UBE3B: variants seen among roughly 807,000 people sequenced by gnomAD.
UBE3B encodes ubiquitin protein ligase E3B.
Under a neutral mutation model 132.3 loss-of-function variants are expected in UBE3B, and 80 were observed. The ratio of observed to expected loss-of-function variants is 0.60; its 90% CI spans 0.50 to 0.73. The LOEUF (loss-of-function observed/expected upper bound fraction) is 0.73, where lower values mean the gene tolerates loss of function less well. UBE3B is among the 30% of genes least tolerant of loss of function. UBE3B has a pLI of 0.00. For missense variants in UBE3B, 1,196 were observed against 1,362.5 expected, an observed-to-expected ratio of 0.88 and a Z score of 1.92; for synonymous variants, 487 against 520.4, an observed-to-expected ratio of 0.94 and a Z score of 0.87.
At chr12:109,516,151 C>CTT (rs1881009481) in intron 18 of UBE3B, among the ~76,000 whole-genome samples, 2 of 131,018 alleles carry the variant, frequency 1.5e-5, no homozygotes, top group African/African-American at 5.6e-5. Flanking sequence ...GGAGGATTTT[C>CTT]TTTTTTCTTT....
In UBE3B at chr12:109,478,047, T is replaced by G. The variant is rs1874613972; in HGVS notation, c.-190T>G. ...GTGGTTGTTGATGCCGAGGAAAGAC[T>G]CTGGGCCCCAGGACTCACCTAAACT... On this transcript the variant is annotated 5_prime_UTR_variant, in exon 1 of 28. Coordinates refer to ENST00000342494, the MANE Select transcript of UBE3B (RefSeq NM_130466.4). 1 of 152,574 alleles carries G rather than the reference T, an allele frequency of 6.6e-6. No homozygotes were observed. The highest frequency in any genetic ancestry group is 2.4e-5 in the African/African-American group (1 of 41,458). The allele number at this position is 152,574 out of a possible 1,614,324, so 9.5% of individuals were successfully genotyped here.
intron 19 of UBE3B, chr12:109,517,878 C>T (rs529405856): frequency 3.4e-5 from 14 of 407,382 alleles, no homozygotes; most frequent in East Asian, 2.3e-4. Context: ...TTTTCTCCCT[C>T]GGTGCATCGT....
chr12:109,491,254 TGTTCTTAATGAAA>T (rs1877428687), intron 9 of UBE3B, 127 bp downstream of exon 9: 1 of 794,682 alleles, frequency 1.3e-6, no homozygotes, highest in South Asian at 2.3e-5. Context: ...TGGGAAGCAT[TGTTCTTAATGAAA>T]GTGAGCACAT....
At chr12:109,526,261 A>G in intron 23 of UBE3B, 97 bp from the exon 24 acceptor site, 1 of 1,231,278 alleles carries the variant, frequency 8.1e-7, no homozygotes, top group Non-Finnish European at 1.2e-6. Flanking sequence ...TAATTCCATC[A>G]TTATCATGGA....
chr12:109,532,823 C>T (rs1258622546), intron 26 of UBE3B, among the ~76,000 whole-genome samples: 1 of 150,586 alleles, frequency 6.6e-6, no homozygotes, highest in African/African-American at 2.5e-5. Context: ...TCATTTTTGT[C>T]AGTGTGCTGA....
At chr12:109,523,147 C>G (rs1021628935) in intron 21 of UBE3B, among the ~76,000 whole-genome samples, 1 of 152,184 alleles carries the variant, frequency 6.6e-6, no homozygotes, top group Non-Finnish European at 1.5e-5. Context: ...CCTTACGGTC[C>G]TCTGACAGGT....
At chr12:109,508,696 G>A (rs1452695758) in intron 15 of UBE3B, 1 of 985,482 alleles carries the variant, frequency 1.0e-6, no homozygotes, top group Non-Finnish European at 1.2e-6. Context: ...TGCTGGTGAA[G>A]ACATCCTTAA....
At position 109,511,269 on chromosome 12, in the gene UBE3B, T is replaced by C. The variant is rs573156019; in HGVS notation, c.1922T>C (p.Leu641Pro). ...DRDRKRAQLI[L>P]QYIPHVIPHK... ...GACAGAAAACGGGCACAGTTGATCCTGCAGTACATCCCACATGTCATCCCT... is the reference window on the plus strand; with the variant it reads ...GACAGAAAACGGGCACAGTTGATCCCGCAGTACATCCCACATGTCATCCCT... Residue 641 changes from leucine to proline, a missense_variant, in exon 18 of 28, where the codon CTG (leucine) becomes CCG (proline). Transcript: ENST00000342494. 2.2e-5 allele frequency: 36 copies of C among 1,614,202 alleles called. No individual in the cohort carries two copies. Among genetic ancestry groups the C allele is most frequent in the Middle Eastern group, 1.6e-4 (1 of 6,062 alleles).
chr12:109,490,965 A>C, intron 8 of UBE3B, 80 bp from the exon 9 acceptor site: 1 of 1,443,374 alleles, frequency 6.9e-7, no homozygotes, highest in Non-Finnish European at 9.6e-7. Flanking sequence ...TGAAGCACTC[A>C]GTTTACTTTT....
rs1435269970 is a variant in UBE3B, at chr12:109,530,645, CTA to C, written c.2911_2912del (p.Met971ValfsTer95). On this transcript the variant is annotated frameshift_variant, in exon 26 of 28. Transcript: ENST00000342494. LOFTEE classifies it high-confidence loss of function. ...TCCGACTTCACACCGGATGAGAGAG[CTA>C]TGTTTCTGAAGGTATTTTATTTATT... is the stretch of plus-strand genomic sequence containing the variant. 6.2e-7 allele frequency: 1 copy of C among 1,614,124 alleles called. No individual in the cohort carries two copies. The highest frequency in any genetic ancestry group is 1.7e-5 in the Admixed American group (1 of 60,032).
At chr12:109,497,949 T>A in intron 10 of UBE3B, 26 bp downstream of exon 10, 2 of 1,608,922 alleles carry the variant, frequency 1.2e-6, no homozygotes, top group South Asian at 1.1e-5. Flanking sequence ...GAGTTCCCCG[T>A]GAAAACCCAA....
chr12:109,494,734 G>A (rs192260574), intron 9 of UBE3B, among the ~76,000 whole-genome samples: 3 of 152,270 alleles, frequency 2.0e-5, no homozygotes, highest in East Asian at 3.9e-4. Flanking sequence ...CAGTGTGTGT[G>A]GTTTTTTGAG....
the UBE3B span, among the ~76,000 whole-genome samples, chr12:109,545,923 T>TA: frequency 2.6e-5 from 4 of 151,864 alleles, no homozygotes; most frequent in East Asian, 7.8e-4. Flanking sequence ...GTGTGCTGAG[T>TA]AAAGGGCCGA....
intron 6 of UBE3B, 108 bp downstream of exon 6, chr12:109,486,683 T>G: frequency 1.1e-6 from 1 of 894,288 alleles, no homozygotes; most frequent in Non-Finnish European, 1.7e-6. Context: ...CAACGAGAGT[T>G]GCTAGTTGAG....
intron 26 of UBE3B, among the ~76,000 whole-genome samples, chr12:109,531,816 C>T (rs919168984): frequency 2.0e-5 from 3 of 152,056 alleles, no homozygotes; most frequent in South Asian, 2.1e-4. Flanking sequence ...AGCTATAAAA[C>T]GGCTCACGCT....
rs570345517 is a variant in UBE3B, at chr12:109,518,152, T to C, written c.2076+1268T>C. ...AATAATCTCCACTTCTGCGCCCTCC[T>C]GTTCTTGAAACAGCCCTCTTGGTCT... On this transcript the variant is annotated intron_variant, in intron 19 of 27. Transcript: ENST00000342494. The C allele has an allele frequency of 3.9e-5, 8 of 205,218 alleles. No individual in the cohort carries two copies. The South Asian group carries it at 5.3e-4, about 14-fold the overall frequency. 12.7% of individuals were successfully genotyped at this position (205,218 alleles called of 1,614,324 possible). A position where few individuals can be genotyped will look rare whatever the true frequency, so the allele number is the denominator to read the frequency against.
At chr12:109,541,993 T>C in the UBE3B span, among the ~76,000 whole-genome samples, 3 of 152,198 alleles carry the variant, frequency 2.0e-5, no homozygotes, top group Non-Finnish European at 2.9e-5. Context: ...AAAGGTCCCA[T>C]GCACAGGTTC....
At chr12:109,498,852 G>T (rs1177070391) in intron 11 of UBE3B, among the ~76,000 whole-genome samples, 11 of 151,280 alleles carry the variant, frequency 7.3e-5, no homozygotes, top group African/African-American at 2.7e-4. Flanking sequence ...TGAAGACAGG[G>T]TCTCACTTTG....
Position 109,486,546 on chromosome 12 carries a change from T to A in UBE3B, c.418T>A (p.Tyr140Asn). 6.3e-7 allele frequency: 1 copy of A among 1,582,010 alleles called. No individual in the cohort carries two copies. The highest frequency in any genetic ancestry group is 8.6e-7 in the Non-Finnish European group (1 of 1,167,208). The change falls in exon 6 of 28, where the codon TAC (tyrosine) becomes AAC (asparagine). Residue 140 changes from tyrosine to asparagine, a missense_variant. Tyr to Asn is a moderately radical substitution (Grantham distance 143). Coordinates refer to ENST00000342494, the MANE Select transcript of UBE3B (RefSeq NM_130466.4). Reference sequence around the variant, plus strand: ...TCAACAGATCAAGAACATTTTGTGGTACTGCTGTGATTTTCTCAAGCAGCT... The same window carrying A: ...TCAACAGATCAAGAACATTTTGTGGAACTGCTGTGATTTTCTCAAGCAGCT... The part of the protein sequence containing the change: ...WIQQIKNILW[Y>N]CCDFLKQLKP...
Sources: gnomAD v4.1 joint callset for allele counts (sites outside exome capture counted in the v4.1 genomes callset) on GRCh38, gnomAD v4.1.1 for gene constraint, MANE v1.5 for transcripts, NCBI Gene and HGNC (gene_info 2026-07-23, HGNC 2026-07-21) for gene names.